SNX10: variants seen among roughly 807,000 people sequenced by gnomAD.
SNX10 encodes the protein sorting nexin-10.
Under a neutral mutation model 28.5 loss-of-function variants are expected in SNX10, and 25 were observed. That is an observed-to-expected ratio of 0.88 (90% CI 0.64 to 1.22). The LOEUF is 1.22. Among genes scored for constraint, SNX10 ranks in the 50% most tolerant of loss-of-function variants. SNX10 has a pLI of 0.00. For missense variants in SNX10, 223 were observed against 242.6 expected, an observed-to-expected ratio of 0.92 and a Z score of 0.54; for synonymous variants, 62 against 81.4, an observed-to-expected ratio of 0.76 and a Z score of 1.28.
chr7:26,330,491 C>T (rs1480686015), intron 1 of SNX10, among the ~76,000 whole-genome samples: 2 of 151,978 alleles, frequency 1.3e-5, no homozygotes, highest in Non-Finnish European at 2.9e-5. Context: ...AGCCGGGGTG[C>T]AGCTAAGATG....
At chr7:26,363,309 A>G (rs529935386) in intron 3 of SNX10, among the ~76,000 whole-genome samples, 115 of 152,344 alleles carry the variant, frequency 7.5e-4, no homozygotes, top group African/African-American at 2.5e-3. Context: ...AAGCATAAGC[A>G]TACCAGGAAC....
intron 1 of SNX10, among the ~76,000 whole-genome samples, chr7:26,292,807 A>T (rs915367976): frequency 6.6e-6 from 1 of 152,242 alleles, no homozygotes; most frequent in African/African-American, 2.4e-5. Context: ...ATCTCCATCA[A>T]ACCTTTCATT....
chr7:26,304,522 G>A (rs1671210756), intron 1 of SNX10, among the ~76,000 whole-genome samples: 1 of 152,180 alleles, frequency 6.6e-6, no homozygotes, highest in Non-Finnish European at 1.5e-5. Flanking sequence ...TGGTGGCAGG[G>A]CCAGGGGTGT....
chr7:26,359,033 C>T (rs1177669098), intron 2 of SNX10, among the ~76,000 whole-genome samples: 2 of 151,620 alleles, frequency 1.3e-5, no homozygotes, highest in Admixed American at 6.6e-5. Flanking sequence ...CTCGAACACC[C>T]GACCTCTGGT....
chr7:26,340,391 A>G (rs1464982195), intron 1 of SNX10, among the ~76,000 whole-genome samples: 2 of 152,234 alleles, frequency 1.3e-5, no homozygotes, highest in African/African-American at 4.8e-5. Context: ...GGAGATGCAG[A>G]GACCCTGTGG....
At chr7:26,295,082 TG>T (rs1299046617) in intron 1 of SNX10, among the ~76,000 whole-genome samples, 1 of 152,268 alleles carries the variant, frequency 6.6e-6, no homozygotes, top group Non-Finnish European at 1.5e-5. Context: ...CTCAAGGCTT[TG>T]TGATTCAGTA....
At chr7:26,354,885 C>T (rs1303814024) in intron 2 of SNX10, among the ~76,000 whole-genome samples, 1 of 151,676 alleles carries the variant, frequency 6.6e-6, no homozygotes, top group African/African-American at 2.4e-5. Context: ...TTGAAGAACT[C>T]TTCTCCTAGT....
intron 2 of SNX10, among the ~76,000 whole-genome samples, chr7:26,359,189 C>T (rs1788966492): frequency 6.6e-6 from 1 of 152,036 alleles, no homozygotes; most frequent in Non-Finnish European, 1.5e-5. Context: ...AATTCATAAT[C>T]CCTGTCTACT....
At chr7:26,365,887 C>CTGTG (rs1252997132) in intron 5 of SNX10, among the ~76,000 whole-genome samples, 1 of 152,186 alleles carries the variant, frequency 6.6e-6, no homozygotes, top group Non-Finnish European at 1.5e-5. Flanking sequence ...CCTCCTCTGC[C>CTGTG]TGTGTCTTCC....
chr7:26,372,191 C>T (rs1789580646), intron 6 of SNX10, 158 bp downstream of exon 6: 1 of 617,226 alleles, frequency 1.6e-6, no homozygotes, highest in Non-Finnish European at 2.8e-6. Flanking sequence ...TGAGCTGTGA[C>T]AGCTCATCAT....
At chr7:26,297,105 T>TTGC (rs33919789) in intron 1 of SNX10, among the ~76,000 whole-genome samples, 1 of 2,810 alleles carries the variant, frequency 3.6e-4, no homozygotes, top group East Asian at 0.029. Context: ...AAAGAGCTTT[T>TTGC]TGTTGTTTTG....
chr7:26,342,630 T>G (rs1184066479), intron 1 of SNX10, among the ~76,000 whole-genome samples: 1 of 152,182 alleles, frequency 6.6e-6, no homozygotes, highest in Non-Finnish European at 1.5e-5. Context: ...TTAAAATTAA[T>G]GTTACTAGGA....
At chr7:26,351,899 G>A (rs68058303) in intron 2 of SNX10, among the ~76,000 whole-genome samples, 4 of 151,716 alleles carry the variant, frequency 2.6e-5, no homozygotes, top group Admixed American at 6.6e-5. Flanking sequence ...CTCGTGATCC[G>A]CCCGCCTCGG....
intron 1 of SNX10, among the ~76,000 whole-genome samples, chr7:26,309,632 A>G (rs1262435527): frequency 6.6e-6 from 1 of 151,896 alleles, no homozygotes; most frequent in Non-Finnish European, 1.5e-5. Flanking sequence ...GAAGAACTCT[A>G]CCCCCAACCT....
At chr7:26,326,687 T>G (rs1160487645) in intron 1 of SNX10, among the ~76,000 whole-genome samples, 4 of 152,210 alleles carry the variant, frequency 2.6e-5, no homozygotes, top group Non-Finnish European at 5.9e-5. Context: ...GGAATAATAT[T>G]AGTACCTATC....
chr7:26,335,090 A>G (rs1176778888), intron 1 of SNX10, among the ~76,000 whole-genome samples: 4 of 152,216 alleles, frequency 2.6e-5, no homozygotes, highest in African/African-American at 9.6e-5. Context: ...GACACTGTGC[A>G]CAGGGAACCT....
Position 26,373,139 on chromosome 7 carries a change from C to T in SNX10, c.*567C>T, listed in dbSNP as rs574845574. The stretch of plus-strand genomic sequence containing the variant: ...TTAACCTTTCCAGTATTCTGTTTCA[C>T]GCTTAGATGGAAATGTATCTTATGA... On this transcript the variant is annotated 3_prime_UTR_variant, in exon 7 of 7. Coordinates refer to ENST00000338523, the MANE Select transcript of SNX10 (RefSeq NM_013322.3). This position sits in a 1 kb window ranked among gnomAD's most constrained non-coding sequence, Gnocchi z 4.2. 1.3e-5 allele frequency: 2 copies of T among 152,094 alleles called. No individual in the cohort carries two copies. Among genetic ancestry groups the T allele is most frequent in the South Asian group, 2.1e-4 (1 of 4,822 alleles). 9.4% of individuals were successfully genotyped at this position (152,094 alleles called of 1,614,324 possible).
intron 1 of SNX10, among the ~76,000 whole-genome samples, chr7:26,306,107 T>A (rs958889940): frequency 6.6e-6 from 1 of 151,670 alleles, no homozygotes; most frequent in African/African-American, 2.4e-5. Flanking sequence ...TTTCGCCAGG[T>A]TGGCCAGGCT....
intron 5 of SNX10, among the ~76,000 whole-genome samples, chr7:26,367,833 G>A (rs1789356421): frequency 1.3e-5 from 2 of 152,200 alleles, no homozygotes; most frequent in South Asian, 4.1e-4. Flanking sequence ...AGGAATTTTA[G>A]GAACCACAGC....
Sources: allele counts gnomAD v4.1 joint callset (sites outside exome capture counted in the v4.1 genomes callset), GRCh38; gene constraint gnomAD v4.1.1; non-coding constraint Gnocchi (gnomAD v3.1); transcripts MANE v1.5; gene names NCBI Gene and HGNC (gene_info 2026-07-23, HGNC 2026-07-21).